UVRAG: variants seen among roughly 807,000 people sequenced by gnomAD.
UVRAG encodes the protein UV radiation resistance-associated gene protein.
UVRAG carries 19 observed loss-of-function variants against 78.0 expected under a neutral mutation model. That is an observed-to-expected ratio of 0.24 (90% CI 0.17 to 0.36). The LOEUF (loss-of-function observed/expected upper bound fraction) is 0.36, where lower values mean the gene tolerates loss of function less well. Among genes scored for constraint, UVRAG ranks in the 10% least tolerant of loss-of-function variants. UVRAG has a pLI of 1.00. For missense variants in UVRAG, 740 were observed against 853.8 expected, an observed-to-expected ratio of 0.87 and a Z score of 1.66; for synonymous variants, 323 against 324.6, an observed-to-expected ratio of 1.00 and a Z score of 0.05.
chr11:76,058,534 CAA>C (rs71471400), intron 12 of UVRAG, among the ~76,000 whole-genome samples: 13 of 111,278 alleles, frequency 1.2e-4, no homozygotes, highest in Admixed American at 4.9e-4. Flanking sequence ...ACCCTATCTC[CAA>C]AAAAAAAAAA....
chr11:75,951,325 ATGTGTGTG>A (rs71036071), intron 6 of UVRAG, among the ~76,000 whole-genome samples: 54,060 of 149,302 alleles, frequency 0.36, 11,536 homozygotes, highest in Non-Finnish European at 0.48. Context: ...ATAATCTGAA[ATGTGTGTG>A]TGTGTGTGTG....
chr11:75,980,141 T>TTCTC, intron 7 of UVRAG: 1 of 154,680 alleles, frequency 6.5e-6, no homozygotes, highest in Non-Finnish European at 1.4e-5. Context: ...TTAATTTAAT[T>TTCTC]TCTCTCTCTC....
intron 8 of UVRAG, among the ~76,000 whole-genome samples, chr11:75,985,108 C>A (rs1949472548): frequency 6.6e-6 from 1 of 150,770 alleles, no homozygotes; most frequent in South Asian, 2.1e-4. Context: ...TATCTCCCCT[C>A]TGTCCAGTGT....
chr11:75,928,126 T>C (rs780328160), intron 6 of UVRAG, among the ~76,000 whole-genome samples: 2 of 152,060 alleles, frequency 1.3e-5, no homozygotes, highest in Non-Finnish European at 2.9e-5. Context: ...AAAATGCCTT[T>C]GGTGTGGAGA....
At chr11:75,815,723 C>A (rs918678055) in intron 1 of UVRAG, among the ~76,000 whole-genome samples, 199 bp downstream of exon 1, 4 of 152,096 alleles carry the variant, frequency 2.6e-5, no homozygotes, top group Admixed American at 2.6e-4. Context: ...TCCCGGAGTC[C>A]TAGGAGAATC....
rs541820991 is a variant in UVRAG at position 76,139,303 on chromosome 11, C to G, written c.1398-1408C>G. Among the ~76,000 whole-genome samples, 3 of 152,298 alleles carry G rather than the reference C, an allele frequency of 2.0e-5. No homozygotes were observed. In the South Asian group the frequency reaches 6.2e-4, roughly 32 times the overall value. On this transcript the variant is annotated intron_variant, in intron 14 of 14. Transcript: ENST00000356136. ...GACACAAGTGGAAGAAACCCCAGAT[C>G]TCTTTTCTTTTCTAGGGCACTTCTT...
chr11:75,927,445 T>C (rs1483544868), intron 6 of UVRAG, among the ~76,000 whole-genome samples: 1 of 152,336 alleles, frequency 6.6e-6, no homozygotes, highest in East Asian at 1.9e-4. Context: ...TAGCTATGTT[T>C]ATTGAGTGTT....
chr11:76,129,431 G>A (rs1029174019), intron 14 of UVRAG, among the ~76,000 whole-genome samples: 1 of 152,124 alleles, frequency 6.6e-6, no homozygotes, highest in Non-Finnish European at 1.5e-5. Context: ...GCTCCTAAAG[G>A]CTTAGTCCTA....
intron 1 of UVRAG, among the ~76,000 whole-genome samples, chr11:75,827,873 C>A (rs1234193234): frequency 6.6e-6 from 1 of 151,948 alleles, no homozygotes; most frequent in Admixed American, 6.6e-5. Flanking sequence ...TAAAAATAAT[C>A]TTGCTTAGGA....
intron 8 of UVRAG, among the ~76,000 whole-genome samples, chr11:75,992,622 T>G (rs1949632319): frequency 6.6e-6 from 1 of 152,164 alleles, no homozygotes; most frequent in African/African-American, 2.4e-5. Flanking sequence ...TAACCACATT[T>G]ATTTACTAGC....
intron 3 of UVRAG, among the ~76,000 whole-genome samples, chr11:75,872,223 A>G (rs1048738613): frequency 2.0e-5 from 3 of 152,022 alleles, no homozygotes; most frequent in Non-Finnish European, 4.4e-5. Context: ...TAAATAGGGG[A>G]AGATTATTCA....
chr11:76,102,347 G>T (rs1390810640), intron 13 of UVRAG, among the ~76,000 whole-genome samples: 1 of 152,118 alleles, frequency 6.6e-6, no homozygotes, highest in East Asian at 1.9e-4. Context: ...AATTGTGAAT[G>T]GGATTACGTT....
Position 75,927,679 on chromosome 11 carries a change from T to C in UVRAG, c.593+15640T>C, listed in dbSNP as rs114455534. Among the ~76,000 whole-genome samples the C allele has an allele frequency of 4.0e-3, 614 of 152,080 alleles. 3 individuals are homozygous for C. Among genetic ancestry groups the C allele is most frequent in the African/African-American group, 0.014 (571 of 41,478 alleles). On this transcript the variant is annotated intron_variant, in intron 6 of 14. Coordinates refer to ENST00000356136, the MANE Select transcript of UVRAG (RefSeq NM_003369.4). ...GAAGACCTCACTGAGAAGAAAATAT[T>C]TGAACAAAGACTTGAAAAAAATTAG...
chr11:75,925,298 A>G (rs967741633), intron 6 of UVRAG, among the ~76,000 whole-genome samples: 1 of 152,228 alleles, frequency 6.6e-6, no homozygotes, highest in Non-Finnish European at 1.5e-5. Context: ...TGATTTTTAC[A>G]TGCCGTTTTA....
At chr11:75,834,313 A>T (rs1372121405) in intron 1 of UVRAG, among the ~76,000 whole-genome samples, 1 of 152,046 alleles carries the variant, frequency 6.6e-6, no homozygotes, top group African/African-American at 2.4e-5. Flanking sequence ...TCATGATTAG[A>T]TTCAGATTAC....
chr11:75,854,449 T>C lies in UVRAG; in HGVS notation c.235+2449T>C, dbSNP rs144420175. Among the ~76,000 whole-genome samples, 88 of 152,076 alleles carry C rather than the reference T, an allele frequency of 5.8e-4. 1 individual carries two copies. Among genetic ancestry groups the C allele is most frequent in the Middle Eastern group, 6.8e-3 (2 of 294 alleles). ...ATTTATTTTTGAGATGGAGTCTCAG[T>C]CTGTTTGCCCAGGCTGGAGTGCAGT... On this transcript the variant is annotated intron_variant, in intron 2 of 14. Coordinates refer to ENST00000356136, the MANE Select transcript of UVRAG (RefSeq NM_003369.4).
intron 6 of UVRAG, among the ~76,000 whole-genome samples, chr11:75,925,875 A>G (rs1039645764): frequency 1.3e-5 from 2 of 152,192 alleles, no homozygotes; most frequent in Non-Finnish European, 2.9e-5. Context: ...GCAAAAGTTG[A>G]GTAGTGTGGT....
chr11:75,865,922 A>T (rs1398699443), intron 3 of UVRAG, among the ~76,000 whole-genome samples: 2 of 152,126 alleles, frequency 1.3e-5, no homozygotes, highest in Non-Finnish European at 2.9e-5. Flanking sequence ...GCCAGGGCTT[A>T]TAATCATTAA....
At chr11:76,029,310 TA>T in intron 12 of UVRAG, among the ~76,000 whole-genome samples, 1 of 152,270 alleles carries the variant, frequency 6.6e-6, no homozygotes, top group Admixed American at 6.5e-5. Context: ...GCTAACATAG[TA>T]TCCATTCCGC....
Sources: allele counts gnomAD v4.1 joint callset (sites outside exome capture counted in the v4.1 genomes callset), GRCh38; gene constraint gnomAD v4.1.1; transcripts MANE v1.5; gene names NCBI Gene and HGNC (gene_info 2026-07-23, HGNC 2026-07-21).